The following WWC2 variants were observed in gnomAD, a reference collection of about 807,000 sequenced individuals.
WWC2 encodes WW and C2 domain containing 2.
A neutral mutation model predicts 138.5 loss-of-function variants in WWC2; 101 were observed. The observed-to-expected ratio is 0.73, with a 90% CI of 0.62 to 0.86. The LOEUF is 0.86. WWC2 is among the 40% of genes least tolerant of loss of function. WWC2 has a pLI of 0.00. For missense variants in WWC2, 1,420 were observed against 1,419.4 expected (o/e 1.00, Z -0.01); for synonymous variants, 558 against 538.4 (o/e 1.04, Z -0.50).
At chr4:183,104,993 G>A (rs1395458097) in intron 1 of WWC2, among the ~76,000 whole-genome samples, 2 of 152,126 alleles carry the variant, frequency 1.3e-5, no homozygotes, top group Non-Finnish European at 2.9e-5. Flanking sequence ...TACAACCTGT[G>A]CCTCCTGAGT....
At chr4:183,122,164 G>T (rs1270973054) in intron 1 of WWC2, among the ~76,000 whole-genome samples, 4 of 152,012 alleles carry the variant, frequency 2.6e-5, no homozygotes, top group African/African-American at 9.7e-5. Flanking sequence ...TTTTATTACT[G>T]ATTTATAAAT....
chr4:183,126,301 A>G (rs1265162718), intron 1 of WWC2, among the ~76,000 whole-genome samples: 1 of 152,150 alleles, frequency 6.6e-6, no homozygotes, highest in Non-Finnish European at 1.5e-5. Context: ...CTCTTCCTGG[A>G]TTGCGTATTT....
intron 4 of WWC2, 112 bp downstream of exon 4, chr4:183,209,137 C>A: frequency 1.4e-6 from 1 of 693,800 alleles, no homozygotes. Context: ...GAAAACTCCT[C>A]CCCTTATCTC....
At chr4:183,140,647 AAAG>A (rs1341061488) in intron 1 of WWC2, among the ~76,000 whole-genome samples, 2 of 152,192 alleles carry the variant, frequency 1.3e-5, no homozygotes, top group African/African-American at 4.8e-5. Context: ...TACTGTATAT[AAAG>A]AAGCATTATT....
At chr4:183,179,989 T>C (rs1734578808) in intron 1 of WWC2, among the ~76,000 whole-genome samples, 2 of 152,150 alleles carry the variant, frequency 1.3e-5, no homozygotes, top group African/African-American at 4.8e-5. Context: ...CTTAACAATG[T>C]CACTAAATAG....
rs142753489 is a variant in WWC2 at position 183,314,753 on chromosome 4, C to G, written c.3513-910C>G. On this transcript the variant is annotated intron_variant, in intron 22 of 22. Coordinates refer to ENST00000403733, the MANE Select transcript of WWC2 (RefSeq NM_024949.6). ...CCTCCGCTGACATCACACCTACACTCGTGGCATTTTTTGTTCTTGTTTTCC... is the reference window on the plus strand; with the variant it reads ...CCTCCGCTGACATCACACCTACACTGGTGGCATTTTTTGTTCTTGTTTTCC... Among the ~76,000 whole-genome samples, 1,401 of 152,350 alleles carry G rather than the reference C, an allele frequency of 9.2e-3. 19 individuals carry two copies. Among genetic ancestry groups the G allele is most frequent in the African/African-American group, 0.032 (1,334 of 41,584 alleles).
chr4:183,127,070 A>C (rs1463728020), intron 1 of WWC2, among the ~76,000 whole-genome samples: 2 of 152,100 alleles, frequency 1.3e-5, no homozygotes, highest in Non-Finnish European at 2.9e-5. Flanking sequence ...AAAGGGTCAA[A>C]GTCATGAGAA....
intron 17 of WWC2, chr4:183,281,209 T>C: frequency 2.6e-6 from 1 of 391,494 alleles, no homozygotes; most frequent in Non-Finnish European, 4.5e-6. Context: ...TATTGTAGAG[T>C]TATAGATAAT....
intron 21 of WWC2, among the ~76,000 whole-genome samples, chr4:183,308,789 G>A (rs1739108490): frequency 6.6e-6 from 1 of 151,968 alleles, no homozygotes; most frequent in Non-Finnish European, 1.5e-5. Flanking sequence ...GTATAATGTA[G>A]TAATAATAAT....
intron 1 of WWC2, among the ~76,000 whole-genome samples, chr4:183,134,343 A>G (rs1733046194): frequency 6.6e-6 from 1 of 150,724 alleles, no homozygotes; most frequent in Admixed American, 6.6e-5. Context: ...TGAACCTCTT[A>G]AAAGGGATGC....
At chr4:183,126,520 A>C (rs919693184) in intron 1 of WWC2, among the ~76,000 whole-genome samples, 1 of 152,148 alleles carries the variant, frequency 6.6e-6, no homozygotes, top group Admixed American at 6.5e-5. Context: ...TTTGTGGCAA[A>C]TAACACTAGG....
Position 183,249,931 on chromosome 4 carries a change from A to T in WWC2, c.891A>T (p.Arg297Ser). ...QTSISGDIGV[R>S]SRSNLAEKVR... ...TCTTTTTCCACTAGATTGGAGTAAG[A>T]AGTAGATCAAATTTAGCTGAAAAGG... Residue 297 changes from arginine to serine, a missense_variant, in exon 8 of 23, where the codon AGA becomes AGT. Transcript: ENST00000403733. 4 of 1,613,678 alleles carry T rather than the reference A, an allele frequency of 2.5e-6. No homozygotes were observed. The highest frequency in any genetic ancestry group is 3.4e-6 in the Non-Finnish European group (4 of 1,179,730).
At position 183,271,069 on chromosome 4, in the gene WWC2, C is replaced by G. The variant is rs1481381488; in HGVS notation, c.2401-11C>G. On this transcript the variant is annotated splice_polypyrimidine_tract_variant and intron_variant, in intron 15 of 22. Transcript: ENST00000403733. The stretch of plus-strand genomic sequence containing the variant: ...TTATTTTTTTTTCTTTGTTTTCTTT[C>G]ACTTACATAGGCTGGAACTCAGATC... The G allele has an allele frequency of 6.7e-7, 1 of 1,492,196 alleles. No individual in the cohort carries two copies. Among genetic ancestry groups the G allele is most frequent in the Admixed American group, 2.4e-5 (1 of 42,312 alleles). 92.4% of individuals were successfully genotyped at this position (1,492,196 alleles called of 1,614,324 possible).
chr4:183,138,978 C>T (rs1309795796), intron 1 of WWC2, among the ~76,000 whole-genome samples: 1 of 152,126 alleles, frequency 6.6e-6, no homozygotes, highest in Non-Finnish European at 1.5e-5. Context: ...CACATGTACT[C>T]TGCATCTTGA....
chr4:183,103,442 T>G (rs1413766198), intron 1 of WWC2, among the ~76,000 whole-genome samples: 8 of 151,400 alleles, frequency 5.3e-5, no homozygotes, highest in South Asian at 4.2e-4. Flanking sequence ...TTCTCCTGTC[T>G]CAGCCTCCCG....
At chr4:183,162,815 G>A (rs930344719) in intron 1 of WWC2, among the ~76,000 whole-genome samples, 1 of 152,052 alleles carries the variant, frequency 6.6e-6, no homozygotes. Context: ...TGGTTATTTG[G>A]TTATTCTAGA....
At chr4:183,099,663 G>T in intron 1 of WWC2, 41 bp downstream of exon 1, 1 of 1,236,452 alleles carries the variant, frequency 8.1e-7, no homozygotes, top group Non-Finnish European at 1.0e-6. Context: ...TTCGGACACG[G>T]CGGCTGTTGT....
At chr4:183,268,454 T>A (rs1877287) in intron 14 of WWC2, among the ~76,000 whole-genome samples, 53,355 of 152,122 alleles carry the variant, frequency 0.35, 9,557 homozygotes, top group South Asian at 0.49. Context: ...TTCATCTGTT[T>A]TAAATTTTCT....
At chr4:183,248,682 G>A (rs1736875557) in intron 6 of WWC2, 32 bp from the exon 7 acceptor site, 1 of 1,544,244 alleles carries the variant, frequency 6.5e-7, no homozygotes, top group Admixed American at 1.9e-5. Flanking sequence ...TACTTGTTAA[G>A]CTTTATGAAA....
Sources: gnomAD v4.1 joint callset for allele counts (sites outside exome capture counted in the v4.1 genomes callset) on GRCh38, gnomAD v4.1.1 for gene constraint, MANE v1.5 for transcripts, NCBI Gene and HGNC (gene_info 2026-07-23, HGNC 2026-07-21) for gene names.